The following PDZD8 variants were observed in gnomAD, a reference collection of about 807,000 sequenced individuals.
PDZD8 encodes the protein PDZ domain-containing protein 8.
A neutral mutation model predicts 85.8 loss-of-function variants in PDZD8; 14 were observed. The ratio of observed to expected loss-of-function variants is 0.16; its 90% CI spans 0.11 to 0.26. The LOEUF (loss-of-function observed/expected upper bound fraction) is 0.26. Among genes scored for constraint, PDZD8 ranks in the 10% least tolerant of loss-of-function variants. The pLI is 1.00. For synonymous variants in PDZD8, 592 were observed against 568.6 expected (o/e 1.04, Z -0.59); for missense variants, 1,197 against 1,424.3 (o/e 0.84, Z 2.57).
At position 117,284,415 on chromosome 10, in the gene PDZD8, T is replaced by C; in HGVS notation, c.2318A>G (p.Asn773Ser). 6.2e-7 allele frequency: 1 copy of C among 1,614,188 alleles called. No individual in the cohort carries two copies. Among genetic ancestry groups the C allele is most frequent in the Non-Finnish European group, 8.5e-7 (1 of 1,180,024 alleles). Reference sequence around the variant, plus strand: ...ATTGAATCCCTTTTGCATACTCAGATTGCGTAGTGCGGTTCTAGTGACTAT... The same window carrying C: ...ATTGAATCCCTTTTGCATACTCAGACTGCGTAGTGCGGTTCTAGTGACTAT... Reference protein sequence around the residue: ...KAIVTRTALRNLSMQKGFNDK... With the variant: ...KAIVTRTALRSLSMQKGFNDK... Residue 773 changes from asparagine to serine, a missense_variant, in exon 5 of 5, where the codon AAT (asparagine) becomes AGT (serine). Asn to Ser is a conservative substitution (Grantham distance 46). Transcript: ENST00000334464.
chr10:117,355,785 A>G (rs186904608), intron 1 of PDZD8, among the ~76,000 whole-genome samples: 44 of 152,320 alleles, frequency 2.9e-4, no homozygotes, highest in African/African-American at 1.0e-3. Context: ...CCTGGCACTT[A>G]GTATACCTCC....
chr10:117,368,974 G>A (rs928230228), intron 1 of PDZD8, among the ~76,000 whole-genome samples: 1 of 147,134 alleles, frequency 6.8e-6, no homozygotes, highest in Non-Finnish European at 1.5e-5. Flanking sequence ...TCATGCCTCA[G>A]CATCCCCAGC....
Position 117,284,253 on chromosome 10 carries a change from T to C in PDZD8, c.2480A>G (p.Glu827Gly). The part of the protein sequence containing the change: ...LVEEVSVLPK[E>G]EQFVGQMGLT... ...ACCCATCTGTCCAACAAATTGCTCCTCTTTAGGGAGAACAGAAACTTCTTC... is the reference window on the plus strand; with the variant it reads ...ACCCATCTGTCCAACAAATTGCTCCCCTTTAGGGAGAACAGAAACTTCTTC... The change falls in exon 5 of 5, where the codon GAG becomes GGG. Residue 827 changes from glutamate to glycine, a missense_variant. Glu to Gly is a moderately conservative substitution (Grantham distance 98). Around this residue, in one of 4 missense-constraint regions of PDZD8, gnomAD observed 418 missense variants for 571.1 expected, o/e 0.73. Transcript: ENST00000334464. 6.2e-7 allele frequency: 1 copy of C among 1,614,198 alleles called. No homozygotes were observed. Among genetic ancestry groups the C allele is most frequent in the African/African-American group, 1.3e-5 (1 of 75,056 alleles).
At chr10:117,301,536 G>A (rs1300660759) in intron 3 of PDZD8, among the ~76,000 whole-genome samples, 1 of 152,298 alleles carries the variant, frequency 6.6e-6, no homozygotes, top group East Asian at 1.9e-4. Context: ...CAGAAAATAT[G>A]TTAGAAATGT....
At chr10:117,332,799 G>A (rs1011693796) in intron 2 of PDZD8, among the ~76,000 whole-genome samples, 1 of 149,478 alleles carries the variant, frequency 6.7e-6, no homozygotes, top group African/African-American at 2.4e-5. Context: ...GAATCACCAC[G>A]CCTGGCCTCT....
chr10:117,363,555 A>T (rs1845033401), intron 1 of PDZD8, among the ~76,000 whole-genome samples: 1 of 152,180 alleles, frequency 6.6e-6, no homozygotes, highest in Non-Finnish European at 1.5e-5. Context: ...TCTAAAAAGT[A>T]GTTAGGTTGC....
At chr10:117,319,047 A>G (rs966287439) in intron 2 of PDZD8, 73 bp from the exon 3 acceptor site, 68 of 1,027,066 alleles carry the variant, frequency 6.6e-5, no homozygotes, top group Middle Eastern at 2.1e-4. Flanking sequence ...TCTGATTATT[A>G]TAACAAGAAA....
At chr10:117,340,547 T>A (rs1844593390) in intron 2 of PDZD8, among the ~76,000 whole-genome samples, 1 of 152,204 alleles carries the variant, frequency 6.6e-6, no homozygotes, top group Admixed American at 6.5e-5. Flanking sequence ...CATGCTGTAT[T>A]CAGAGTTGAG....
At position 117,279,858 on chromosome 10, in the gene PDZD8, C is replaced by T. The variant is rs959123479; in HGVS notation, c.*3410G>A. 2 of 152,116 alleles carry T rather than the reference C, an allele frequency of 1.3e-5. No individual in the cohort carries two copies. Among genetic ancestry groups the T allele is most frequent in the African/African-American group, 2.4e-5 (1 of 41,430 alleles). 9.4% of individuals were successfully genotyped at this position (152,116 alleles called of 1,614,324 possible). On this transcript the variant is annotated 3_prime_UTR_variant, in exon 5 of 5. Coordinates refer to ENST00000334464, the MANE Select transcript of PDZD8 (RefSeq NM_173791.5). The stretch of plus-strand genomic sequence containing the variant: ...CACATCTTTAATCAGATCCTAAAAG[C>T]GGATCTATGGCCCAAAAGGAATTAG...
At chr10:117,368,577 A>G (rs529323469) in intron 1 of PDZD8, among the ~76,000 whole-genome samples, 1 of 152,334 alleles carries the variant, frequency 6.6e-6, no homozygotes, top group Admixed American at 6.5e-5. Context: ...CTGTGAATTT[A>G]CTTTGAAAGA....
intron 3 of PDZD8, among the ~76,000 whole-genome samples, chr10:117,312,099 G>C (rs1844048338): frequency 6.6e-6 from 1 of 152,102 alleles, no homozygotes; most frequent in Non-Finnish European, 1.5e-5. Context: ...GCATACAGCA[G>C]GGAAGGGCCC....
intron 4 of PDZD8, among the ~76,000 whole-genome samples, chr10:117,289,135 A>C (rs1350997402): frequency 6.6e-6 from 1 of 152,232 alleles, no homozygotes; most frequent in Non-Finnish European, 1.5e-5. Flanking sequence ...TTCAGAATGC[A>C]CATTTTAACA....
intron 1 of PDZD8, among the ~76,000 whole-genome samples, chr10:117,371,371 G>C (rs1385619194): frequency 2.0e-5 from 3 of 152,044 alleles, no homozygotes; most frequent in East Asian, 1.9e-4. Context: ...TTTTACTAGA[G>C]ACGGGGTTTC....
chr10:117,327,377 A>C (rs1482837758), intron 2 of PDZD8, among the ~76,000 whole-genome samples: 1 of 152,232 alleles, frequency 6.6e-6, no homozygotes, highest in East Asian at 1.9e-4. Flanking sequence ...CCAAATCAAA[A>C]TACAGTCTCT....
intron 2 of PDZD8, among the ~76,000 whole-genome samples, chr10:117,328,081 G>GA (rs200554765): frequency 1.3e-5 from 2 of 151,050 alleles, no homozygotes; most frequent in African/African-American, 2.4e-5. Flanking sequence ...TTATTTCTTG[G>GA]AAAAAAAAAT....
chr10:117,335,888 G>A (rs916644317), intron 2 of PDZD8, among the ~76,000 whole-genome samples: 10 of 152,134 alleles, frequency 6.6e-5, no homozygotes, highest in South Asian at 6.2e-4. Context: ...TAAAAGTGCC[G>A]ATGTTGTTGA....
At chr10:117,307,072 A>G (rs1323845146) in intron 3 of PDZD8, among the ~76,000 whole-genome samples, 2 of 152,278 alleles carry the variant, frequency 1.3e-5, no homozygotes, top group East Asian at 3.9e-4. Flanking sequence ...TACTTACATC[A>G]GTAGTAAACT....
At chr10:117,319,559 A>G (rs1306941095) in intron 2 of PDZD8, among the ~76,000 whole-genome samples, 1 of 152,122 alleles carries the variant, frequency 6.6e-6, no homozygotes, top group African/African-American at 2.4e-5. Flanking sequence ...GTAAAAGGCA[A>G]TGCACACAAG....
At chr10:117,291,838 CTCAT>C (rs1844772306) in intron 3 of PDZD8, among the ~76,000 whole-genome samples, 1 of 130,304 alleles carries the variant, frequency 7.7e-6, no homozygotes, top group South Asian at 2.7e-4. Flanking sequence ...GCTATGTGTC[CTCAT>C]TCAAACAACT....
Sources: gnomAD v4.1 joint callset for allele counts (sites outside exome capture counted in the v4.1 genomes callset) on GRCh38, gnomAD v4.1.1 for gene constraint, gnomAD v4.1.1 regional missense constraint, MANE v1.5 for transcripts, NCBI Gene and HGNC (gene_info 2026-07-23, HGNC 2026-07-21) for gene names.